GPRC5D: variants seen among roughly 807,000 people sequenced by gnomAD.
The protein encoded by GPRC5D is G protein-coupled receptor class C group 5 member D.
Under a neutral mutation model 29.3 loss-of-function variants are expected in GPRC5D, and 20 were observed. That is an observed-to-expected ratio of 0.68 (90% CI 0.48 to 0.99). The LOEUF (loss-of-function observed/expected upper bound fraction) is 0.99, where lower values mean the gene tolerates loss of function less well. Ranked by LOEUF, GPRC5D falls within the 50% of genes least tolerant of loss-of-function variation. The pLI, the probability that GPRC5D is intolerant of heterozygous loss-of-function variation, is 0.00. For missense variants in GPRC5D, 384 were observed against 423.6 expected (o/e 0.91, Z 0.82); for synonymous variants, 178 against 171.3 (o/e 1.04, Z -0.30).
At position 12,943,399 on chromosome 12, in the gene GPRC5D, G is replaced by GC. The variant is rs113868041; in HGVS notation, c.896-1072dup. Among the ~76,000 whole-genome samples, 441 of 152,308 alleles carry GC rather than the reference G, an allele frequency of 2.9e-3. 6 individuals are homozygous for GC. Among genetic ancestry groups the GC allele is most frequent in the African/African-American group, 9.9e-3 (413 of 41,572 alleles). ...CTCTCATTTGTGTTACCTACCTAGG[G>GC]CCAAGTTCCTTAACCTTTTGTTGCC... is the stretch of plus-strand genomic sequence containing the variant. On this transcript the variant is annotated intron_variant, in intron 1 of 2. Coordinates refer to ENST00000228887, the Ensembl canonical transcript of GPRC5D.
At chr12:12,943,058 A>G (rs1409729777) in intron 1 of GPRC5D, among the ~76,000 whole-genome samples, 1 of 152,168 alleles carries the variant, frequency 6.6e-6, no homozygotes, top group Non-Finnish European at 1.5e-5. Context: ...TGGCCTCCCA[A>G]AGTGCTGGGA....
At chr12:12,942,126 A>G (rs1291402357) in intron 2 of GPRC5D, 135 bp downstream of exon 3, 2 of 685,504 alleles carry the variant, frequency 2.9e-6, no homozygotes. Flanking sequence ...CAAGCTCCAC[A>G]TGCCTTTAGG....
At chr12:12,952,034 G>C (rs1349391897), upstream of GPRC5D, 1 of 151,942 alleles carries the variant, frequency 6.6e-6, no homozygotes, top group African/African-American at 2.4e-5. Context: ...CTTCCCTTCA[G>C]TTATCCCCAG....
At chr12:12,951,766 T>C (rs7297040), upstream of GPRC5D, among the ~76,000 whole-genome samples, 6,046 of 152,256 alleles carry the variant, frequency 0.04, 397 homozygotes, top group African/African-American at 0.14. Context: ...GATAAATTAC[T>C]GGGAATAAAA....
upstream of GPRC5D, chr12:12,951,981 T>G (rs1247497149): frequency 6.6e-6 from 1 of 151,890 alleles, no homozygotes; most frequent in Non-Finnish European, 1.5e-5. Flanking sequence ...CATATTCATT[T>G]GAAAAAAAAA....
At chr12:12,945,061 A>T (rs1863278050) in intron 1 of GPRC5D, among the ~76,000 whole-genome samples, 1 of 146,604 alleles carries the variant, frequency 6.8e-6, no homozygotes. Flanking sequence ...CTGGAGTGCA[A>T]TGCATGATCT....
chr12:12,942,494 G>A (rs1863178977), intron 1 of GPRC5D, among the ~76,000 whole-genome samples, 166 bp from the exon 3 acceptor site: 1 of 152,208 alleles, frequency 6.6e-6, no homozygotes, highest in African/African-American at 2.4e-5. Context: ...CAGCACTTTG[G>A]GAGGCCAAGA....
At chr12:12,945,132 T>A (rs1863280539) in intron 1 of GPRC5D, among the ~76,000 whole-genome samples, 1 of 151,474 alleles carries the variant, frequency 6.6e-6, no homozygotes, top group African/African-American at 2.4e-5. Context: ...GCCTCACAAG[T>A]AGCAGGGACT....
chr12:12,942,301 T>C (rs1863173611), exon 2 of GPRC5D: 1 of 1,612,994 alleles, frequency 6.2e-7, no homozygotes, highest in Admixed American at 1.7e-5. Flanking sequence ...TAATGCTACA[T>C]CCTCCTCAGC....
chr12:12,947,220 A>G (rs1297982791), intron 1 of GPRC5D: 1 of 152,192 alleles, frequency 6.6e-6, no homozygotes, highest in African/African-American at 2.4e-5. Flanking sequence ...TTCTTGAGCA[A>G]ACAAAAGCAA....
At chr12:12,941,859 G>T (rs376538735) in intron 2 of GPRC5D, among the ~76,000 whole-genome samples, 3 of 152,144 alleles carry the variant, frequency 2.0e-5, no homozygotes, top group African/African-American at 7.2e-5. Flanking sequence ...AGTCAGTGGG[G>T]CTCAGGTGAT....
intron 1 of GPRC5D, among the ~76,000 whole-genome samples, chr12:12,946,818 G>T (rs1159058542): frequency 6.6e-6 from 1 of 151,992 alleles, no homozygotes; most frequent in Admixed American, 6.6e-5. Context: ...AATAATTCTG[G>T]TCTCATAACC....
In GPRC5D at chr12:12,944,865, CTT is replaced by C. The variant is rs374953299; in HGVS notation, c.896-2539_896-2538del. On this transcript the variant is annotated intron_variant, in intron 1 of 2. Coordinates refer to ENST00000228887, the Ensembl canonical transcript of GPRC5D. ...TCCTTCCTTCCTTCTTTCTTTCTTTCTTTCTTTCTTTCTTTCTTTCTTTCTTT... is the reference window on the plus strand; with the variant it reads ...TCCTTCCTTCCTTCTTTCTTTCTTTCTCTTTCTTTCTTTCTTTCTTTCTTT... Among the ~76,000 whole-genome samples, 10 of 96,786 alleles carry C rather than the reference CTT, an allele frequency of 1.0e-4. 1 individual carries two copies. The South Asian group carries it at 1.4e-3, about 13-fold the overall frequency. 63.5% of individuals were successfully genotyped at this position (96,786 alleles called of 152,430 possible).
chr12:12,944,604 G>A (rs1002856866), intron 1 of GPRC5D: 13 of 152,026 alleles, frequency 8.6e-5, no homozygotes, highest in African/African-American at 2.7e-4. Flanking sequence ...GGTTCATCTC[G>A]TTTTATACTC....
At chr12:12,946,319 TTCTTTC>T (rs1390397300) in intron 1 of GPRC5D, among the ~76,000 whole-genome samples, 3 of 145,128 alleles carry the variant, frequency 2.1e-5, no homozygotes, top group African/African-American at 7.8e-5. Flanking sequence ...TTTTCTTTCT[TTCTTTC>T]TTTCTTTCTT....
chr12:12,950,041 A>G, exon 1 of GPRC5D: 1 of 1,614,090 alleles, frequency 6.2e-7, no homozygotes, highest in Non-Finnish European at 8.5e-7. Flanking sequence ...AACCAGCTTC[A>G]CTAGATTGGA....
chr12:12,948,575 C>G (rs1282683738), intron 1 of GPRC5D: 7 of 154,242 alleles, frequency 4.5e-5, no homozygotes, highest in Non-Finnish European at 1.0e-4. Context: ...TGTGAGAAAT[C>G]AGATGCCTAT....
chr12:12,944,903 T>TTCTCTCTC (rs1260234652), intron 1 of GPRC5D, among the ~76,000 whole-genome samples: 26 of 79,344 alleles, frequency 3.3e-4, no homozygotes, highest in South Asian at 1.3e-3. Context: ...CTTTCTTTCT[T>TTCTCTCTC]TCTCTCCCTT....
intron 1 of GPRC5D, among the ~76,000 whole-genome samples, chr12:12,944,852 TC>T (rs1565477474): frequency 2.1e-4 from 14 of 67,008 alleles, no homozygotes; most frequent in African/African-American, 5.4e-4. Context: ...CTTCCTTCCT[TC>T]TTTCTTTCTT....
Sources: allele counts gnomAD v4.1 joint callset (sites outside exome capture counted in the v4.1 genomes callset), GRCh38; gene constraint gnomAD v4.1.1; transcripts MANE v1.5; gene names NCBI Gene and HGNC (gene_info 2026-07-23, HGNC 2026-07-21).